The following ASH1L variants were observed in gnomAD, a reference collection of about 807,000 sequenced individuals.
ASH1L encodes histone-lysine N-methyltransferase ASH1L.
In ASH1L, 23 loss-of-function variants were observed where a neutral mutation model predicts 269.0. The ratio of observed to expected loss-of-function variants is 0.09; its 90% CI spans 0.06 to 0.12. ASH1L has a LOEUF of 0.12. Ranked by LOEUF, ASH1L falls within the 10% of genes least tolerant of loss-of-function variation. The probability of loss-of-function intolerance (pLI) is 1.00; values close to 1 mark genes in which losing one functional copy is unlikely to be tolerated. For missense variants in ASH1L, 2,912 were observed against 3,567.8 expected (o/e 0.82, Z 4.68); for synonymous variants, 1,187 against 1,253.5 (o/e 0.95, Z 1.12).
In ASH1L at chr1:155,442,181, G is replaced by A. The variant is rs1662637063; in HGVS notation, c.5087-3113C>T. Among the ~76,000 whole-genome samples, 3 of 152,094 alleles carry A rather than the reference G, an allele frequency of 2.0e-5. No homozygotes were observed. The South Asian group carries it at 6.2e-4, about 31-fold the overall frequency. ...GATTATTACTGTTTCATGACAGTAA[G>A]TTCAAGGTGCTTTGTTATGCAGCAA... On this transcript the variant is annotated intron_variant, in intron 4 of 27. Transcript: ENST00000392403.
chr1:155,489,656 G>A (rs1666612918), intron 2 of ASH1L, among the ~76,000 whole-genome samples: 1 of 151,890 alleles, frequency 6.6e-6, no homozygotes, highest in Non-Finnish European at 1.5e-5. Context: ...TACTCGGGAG[G>A]CTGAGGCAGG....
chr1:155,434,421 T>G (rs1571206673), intron 5 of ASH1L, among the ~76,000 whole-genome samples: 1 of 149,720 alleles, frequency 6.7e-6, no homozygotes, highest in Admixed American at 6.7e-5. Flanking sequence ...GGGCAACTGG[T>G]TGGAGGGAAG....
In ASH1L at chr1:155,354,623, C is replaced by A; in HGVS notation, c.7063G>T (p.Val2355Leu). Residue 2355 changes from valine to leucine, a missense_variant, in exon 16 of 28, where the codon GTG (valine) becomes TTG (leucine). By Grantham distance (32) the Val-to-Leu change is conservative. This residue lies in a region of ASH1L where 309 missense variants were observed against 435.1 expected (regional missense o/e 0.71). Transcript: ENST00000392403. ...KPMSNRERNF[V>L]LKHHVFLVRN... Reference sequence around the variant, plus strand: ...ACCAAGAATACATGATGCTTTAACACAAAGTTCCTGCAAGGAAGGAAAAAA... The same window carrying A: ...ACCAAGAATACATGATGCTTTAACAAAAAGTTCCTGCAAGGAAGGAAAAAA... The A allele has an allele frequency of 6.2e-7, 1 of 1,608,058 alleles. No homozygotes were observed. Among genetic ancestry groups the A allele is most frequent in the South Asian group, 1.1e-5 (1 of 89,532 alleles).
chr1:155,407,436 C>T (rs1297503383), intron 6 of ASH1L, among the ~76,000 whole-genome samples: 12 of 152,042 alleles, frequency 7.9e-5, no homozygotes, highest in Non-Finnish European at 5.9e-5. Flanking sequence ...TAGGAACTTA[C>T]CCTTAAGATA....
intron 17 of ASH1L, among the ~76,000 whole-genome samples, chr1:155,350,802 T>A (rs1001022607): frequency 6.6e-6 from 1 of 151,518 alleles, no homozygotes; most frequent in Non-Finnish European, 1.5e-5. Context: ...GCACCTGTAG[T>A]CCCAGCTACT....
intron 1 of ASH1L, among the ~76,000 whole-genome samples, chr1:155,533,384 C>T (rs920766002): frequency 6.6e-6 from 1 of 151,980 alleles, no homozygotes; most frequent in African/African-American, 2.4e-5. Context: ...AGGTCTGTTT[C>T]GCTCCTCTTA....
chr1:155,515,294 C>T (rs1186745239), intron 2 of ASH1L, among the ~76,000 whole-genome samples: 1 of 152,136 alleles, frequency 6.6e-6, no homozygotes, highest in Non-Finnish European at 1.5e-5. Context: ...CATATTCAAC[C>T]GACCTCTCGT....
intron 2 of ASH1L, among the ~76,000 whole-genome samples, chr1:155,483,463 C>A (rs531537123): frequency 5.3e-5 from 8 of 152,146 alleles, no homozygotes; most frequent in Non-Finnish European, 1.0e-4. Context: ...ATCATTGAAA[C>A]AGTACAGAAG....
At chr1:155,340,343 C>A (rs1272318260) in intron 25 of ASH1L, among the ~76,000 whole-genome samples, 1 of 151,842 alleles carries the variant, frequency 6.6e-6, no homozygotes, top group Non-Finnish European at 1.5e-5. Context: ...CCACCATGCC[C>A]GGCTAATTTT....
At chr1:155,492,033 CTTTT>C (rs747132753) in intron 2 of ASH1L, among the ~76,000 whole-genome samples, 21 of 111,930 alleles carry the variant, frequency 1.9e-4, no homozygotes, top group African/African-American at 6.9e-4. Flanking sequence ...GTTTTGTTTA[CTTTT>C]TTTTTTTTTT....
intron 2 of ASH1L, among the ~76,000 whole-genome samples, chr1:155,514,485 T>C (rs1370463327): frequency 6.6e-6 from 1 of 152,206 alleles, no homozygotes; most frequent in Non-Finnish European, 1.5e-5. Context: ...TTATGTTATA[T>C]ATCATTTTAA....
intron 12 of ASH1L, 116 bp downstream of exon 12, chr1:155,370,387 TG>T: frequency 7.5e-7 from 1 of 1,341,418 alleles, no homozygotes; most frequent in Non-Finnish European, 1.0e-6. Flanking sequence ...TCTGGGGTAA[TG>T]GGGAACAGCC....
chr1:155,562,467 G>A lies in ASH1L; in HGVS notation c.-414C>T, dbSNP rs1321282948. On this transcript the variant is annotated 5_prime_UTR_variant, in exon 1 of 28. Coordinates refer to ENST00000392403, the MANE Select transcript of ASH1L (RefSeq NM_018489.3). ...CGGCAGCAGCAGAGTGGCGGCGGTG[G>A]CGGCGGCAGCTCCTCCAGAGGGAGG... is the stretch of plus-strand genomic sequence containing the variant. The A allele has an allele frequency of 2.3e-5, 33 of 1,460,160 alleles. No individual in the cohort carries two copies. Among genetic ancestry groups the A allele is most frequent in the Non-Finnish European group, 2.9e-5 (31 of 1,076,914 alleles). The allele number at this position is 1,460,160 out of a possible 1,614,324, so 90.5% of individuals were successfully genotyped here. A position where few individuals can be genotyped will look rare whatever the true frequency, so the allele number is the denominator to read the frequency against.
chr1:155,340,296 C>T (rs1328894148), intron 25 of ASH1L, among the ~76,000 whole-genome samples: 1 of 152,082 alleles, frequency 6.6e-6, no homozygotes, highest in African/African-American at 2.4e-5. Context: ...GATTCTTCTG[C>T]CTCAGCCTCC....
intron 3 of ASH1L, among the ~76,000 whole-genome samples, chr1:155,461,635 AACTTT>A (rs1276702263): frequency 6.6e-6 from 1 of 152,184 alleles, no homozygotes; most frequent in Admixed American, 6.5e-5. Context: ...GAGAAGACAT[AACTTT>A]AAGTATTAAT....
chr1:155,366,816 C>T (rs1348825109), intron 12 of ASH1L, among the ~76,000 whole-genome samples: 2 of 151,834 alleles, frequency 1.3e-5, no homozygotes, highest in African/African-American at 4.8e-5. Context: ...GGACTATAGG[C>T]GTGTGCCACC....
chr1:155,381,094 G>A (rs1656899867), intron 7 of ASH1L, among the ~76,000 whole-genome samples: 1 of 152,124 alleles, frequency 6.6e-6, no homozygotes, highest in African/African-American at 2.4e-5. Context: ...TCATGTGTTT[G>A]TGGTGATGCT....
chr1:155,508,936 C>T (rs936495162), intron 2 of ASH1L, among the ~76,000 whole-genome samples: 7 of 152,126 alleles, frequency 4.6e-5, no homozygotes, highest in Non-Finnish European at 7.3e-5. Flanking sequence ...GTGTCAGTAA[C>T]GTACCCTAAC....
At chr1:155,420,850 A>AG (rs1323045603) in intron 5 of ASH1L, among the ~76,000 whole-genome samples, 2 of 150,832 alleles carry the variant, frequency 1.3e-5, no homozygotes, top group Non-Finnish European at 3.0e-5. Flanking sequence ...GCTCCATTAA[A>AG]AAAAAAAAAA....
Sources: gnomAD v4.1 joint callset for allele counts (sites outside exome capture counted in the v4.1 genomes callset) on GRCh38, gnomAD v4.1.1 for gene constraint, gnomAD v4.1.1 regional missense constraint, MANE v1.5 for transcripts, NCBI Gene and HGNC (gene_info 2026-07-23, HGNC 2026-07-21) for gene names.